SYNM: variants seen among roughly 807,000 people sequenced by gnomAD.
The protein encoded by SYNM is desmuslin.
A neutral mutation model predicts 104.0 loss-of-function variants in SYNM; 95 were observed. That is an observed-to-expected ratio of 0.91 (90% confidence interval 0.77 to 1.08). SYNM has a LOEUF of 1.08. Among genes scored for constraint, SYNM ranks in the 50% least tolerant of loss-of-function variants. The probability of loss-of-function intolerance (pLI) is 0.00; values close to 1 mark genes in which losing one functional copy is unlikely to be tolerated. For missense variants in SYNM, 2,150 were observed against 2,052.2 expected, an observed-to-expected ratio of 1.05 and a Z score of -0.92; for synonymous variants, 918 against 869.0, an observed-to-expected ratio of 1.06 and a Z score of -0.99.
In SYNM at chr15:99,130,295, T is replaced by A. The variant is rs2067487846; in HGVS notation, c.1935T>A (p.Ser645Arg). The A allele has an allele frequency of 1.9e-6, 3 of 1,613,832 alleles. No homozygotes were observed. Among genetic ancestry groups the A allele is most frequent in the Non-Finnish European group, 2.5e-6 (3 of 1,179,880 alleles). ...CCGTAGCAGAAAACATCGTTACCAG[T>A]ATCCTGAAGCAGTTCACTCAGTCTC... ...TETVAENIVT[S>R]ILKQFTQSPE... Residue 645 changes from serine to arginine, a missense_variant, in exon 4 of 4, where the codon AGT (serine) becomes AGA (arginine). Ser to Arg is a moderately radical substitution (Grantham distance 110). Transcript: ENST00000336292.
At position 99,130,557 on chromosome 15, in the gene SYNM, G is replaced by C; in HGVS notation, c.2197G>C (p.Gly733Arg). The C allele has an allele frequency of 1.2e-6, 2 of 1,613,746 alleles. No individual in the cohort carries two copies. Among genetic ancestry groups the C allele is most frequent in the Non-Finnish European group, 1.7e-6 (2 of 1,179,786 alleles). Residue 733 changes from glycine to arginine, a missense_variant, in exon 4 of 4, where the codon GGC becomes CGC. Transcript: ENST00000336292. ...GATGATAGGAGACATCATCAACCTC[G>C]GCCTGAAAGGGAGGGAGGGGAGAGC... Reference protein sequence around the residue: ...EQMIGDIINLGLKGREGRAKV... With the variant: ...EQMIGDIINLRLKGREGRAKV...
chr15:99,126,421 G>A lies in SYNM; in HGVS notation c.936-301G>A, dbSNP rs374216682. Among the ~76,000 whole-genome samples, 48 of 152,338 alleles carry A rather than the reference G, an allele frequency of 3.2e-4. 3 individuals are homozygous for A. The highest frequency in any genetic ancestry group is 1.9e-3 in the Admixed American group (29 of 15,306). On this transcript the variant is annotated intron_variant, in intron 2 of 3. Coordinates refer to ENST00000336292, the MANE Select transcript of SYNM (RefSeq NM_145728.3). Reference sequence around the variant, plus strand: ...AAAGCTTTCTAGAAGGGCTTGGCTCGCCAGTACTGCCGAAGCCCTGGCCTG... The same window carrying A: ...AAAGCTTTCTAGAAGGGCTTGGCTCACCAGTACTGCCGAAGCCCTGGCCTG...
intron 2 of SYNM, among the ~76,000 whole-genome samples, chr15:99,114,418 C>G (rs1450342195): frequency 1.3e-5 from 2 of 151,920 alleles, no homozygotes; most frequent in Admixed American, 6.5e-5. Flanking sequence ...GTGGGGGTTA[C>G]AAATCGAGAT....
At position 99,130,162 on chromosome 15, in the gene SYNM, A is replaced by G. The variant is rs2067486146; in HGVS notation, c.1802A>G (p.Lys601Arg). The G allele has an allele frequency of 6.2e-7, 1 of 1,613,786 alleles. No homozygotes were observed. Among genetic ancestry groups the G allele is most frequent in the Non-Finnish European group, 8.5e-7 (1 of 1,179,906 alleles). The change falls in exon 4 of 4, where the codon AAG (lysine) becomes AGG (arginine). Residue 601 changes from lysine (K) to arginine (R), a missense_variant. By Grantham distance (26) the Lys-to-Arg change is conservative (BLOSUM62 2). Transcript: ENST00000336292. The stretch of plus-strand genomic sequence containing the variant: ...CCGAAAGGTTTGCAGACGCCTGTGA[A>G]GGATGCTGGTGGTGGGACCGGTAGA... ...VSPKGLQTPV[K>R]DAGGGTGREA...
At chr15:99,125,872 C>T (rs898118652) in intron 2 of SYNM, among the ~76,000 whole-genome samples, 13 of 152,212 alleles carry the variant, frequency 8.5e-5, no homozygotes, top group African/African-American at 1.7e-4. Context: ...ACAGGCATCC[C>T]GGTGCTAAGC....
intron 2 of SYNM, among the ~76,000 whole-genome samples, chr15:99,126,109 GA>G (rs1427059471): frequency 6.6e-6 from 1 of 152,210 alleles, no homozygotes; most frequent in Admixed American, 6.5e-5. Context: ...AGGGGCTACT[GA>G]CGGGGGGCGC....
chr15:99,130,137 C>A lies in SYNM; in HGVS notation c.1777C>A (p.Pro593Thr). The A allele has an allele frequency of 9.9e-6, 16 of 1,613,832 alleles. No homozygotes were observed. Among genetic ancestry groups the A allele is most frequent in the Non-Finnish European group, 1.3e-5 (15 of 1,179,884 alleles). The change falls in exon 4 of 4, where the codon CCG (proline) becomes ACG (threonine). Residue 593 changes from proline to threonine, a missense_variant. Pro to Thr is a conservative substitution (Grantham distance 38). Transcript: ENST00000336292. ...VSQDRRAEVS[P>T]KGLQTPVKDA... Reference sequence around the variant, plus strand: ...CCAGGACAGAAGAGCAGAGGTGTCCCCGAAAGGTTTGCAGACGCCTGTGAA... The same window carrying A: ...CCAGGACAGAAGAGCAGAGGTGTCCACGAAAGGTTTGCAGACGCCTGTGAA...
At chr15:99,111,011 A>G (rs1396842836) in intron 1 of SYNM, among the ~76,000 whole-genome samples, 4 of 152,216 alleles carry the variant, frequency 2.6e-5, no homozygotes, top group Admixed American at 6.5e-5. Flanking sequence ...AACGTCAACT[A>G]ATTTTCCTTT....
intron 1 of SYNM, among the ~76,000 whole-genome samples, chr15:99,110,240 C>T (rs1263351948): frequency 6.6e-6 from 1 of 152,200 alleles, no homozygotes; most frequent in African/African-American, 2.4e-5. Flanking sequence ...AATCCGCAGC[C>T]ATGAAGAACT....
chr15:99,107,620 C>T (rs929115963), intron 1 of SYNM, among the ~76,000 whole-genome samples: 22 of 152,296 alleles, frequency 1.4e-4, no homozygotes, highest in East Asian at 5.8e-4. Context: ...TCTTTCTTAG[C>T]GGCAAAGCCC....
downstream of SYNM, among the ~76,000 whole-genome samples, chr15:99,138,669 C>T (rs782611142): frequency 6.6e-6 from 1 of 152,222 alleles, no homozygotes; most frequent in Non-Finnish European, 1.5e-5. Flanking sequence ...GCCCTCAACC[C>T]TTAGCTGGCT....
rs782664172 is a variant in SYNM at position 99,132,568 on chromosome 15, A to G, written c.4208A>G (p.His1403Arg). Reference protein sequence around the residue: ...MTSGVSRSFRHIRLGPTETET... With the variant: ...MTSGVSRSFRRIRLGPTETET... ...TCGGGTGTTAGCAGATCCTTTAGGCACATTCGACTAGGTCCTACAGAAACG... is the reference window on the plus strand; with the variant it reads ...TCGGGTGTTAGCAGATCCTTTAGGCGCATTCGACTAGGTCCTACAGAAACG... The change falls in exon 4 of 4, where the codon CAC becomes CGC. Residue 1403 changes from histidine to arginine, a missense_variant. His to Arg is a conservative substitution (Grantham distance 29). Transcript: ENST00000336292. 1 of 1,614,024 alleles carries G rather than the reference A, an allele frequency of 6.2e-7. No homozygotes were observed. The highest frequency in any genetic ancestry group is 1.3e-5 in the African/African-American group (1 of 75,042).
At chr15:99,141,169 G>C in the SYNM span, 5 of 151,930 alleles carry the variant, frequency 3.3e-5, no homozygotes, top group African/African-American at 1.2e-4. Flanking sequence ...AAACAATTTA[G>C]CAATATTTAG....
chr15:99,126,332 C>T (rs1313989808), intron 2 of SYNM, among the ~76,000 whole-genome samples: 1 of 152,228 alleles, frequency 6.6e-6, no homozygotes, highest in Non-Finnish European at 1.5e-5. Context: ...CTGGGGCCCT[C>T]TAGCCTGGGG....
chr15:99,113,898 T>G (rs964856648), intron 2 of SYNM, among the ~76,000 whole-genome samples, 183 bp downstream of exon 2: 2 of 152,144 alleles, frequency 1.3e-5, no homozygotes, highest in Non-Finnish European at 2.9e-5. Context: ...GAGTAGGGCT[T>G]GCTTAGGTCA....
rs375677691 is a variant in SYNM at position 99,132,234 on chromosome 15, A to T, written c.3874A>T (p.Ile1292Leu). The T allele has an allele frequency of 5.0e-6, 8 of 1,611,484 alleles. No individual in the cohort carries two copies. Among genetic ancestry groups the T allele is most frequent in the African/African-American group, 4.0e-5 (3 of 74,810 alleles). The change falls in exon 4 of 4, where the codon ATA becomes TTA. Residue 1292 changes from isoleucine to leucine, a missense_variant. Coordinates refer to ENST00000336292, the MANE Select transcript of SYNM (RefSeq NM_145728.3). Reference sequence around the variant, plus strand: ...TTCAGACAAGGTGGAGTTGGGTGTCATAGGAGATTCTGTACACATGGAAGG... The same window carrying T: ...TTCAGACAAGGTGGAGTTGGGTGTCTTAGGAGATTCTGTACACATGGAAGG... The part of the protein sequence containing the change: ...PLSDKVELGV[I>L]GDSVHMEGLP...
chr15:99,131,632 G>T lies in SYNM; in HGVS notation c.3272G>T (p.Gly1091Val). 6.2e-7 allele frequency: 1 copy of T among 1,610,834 alleles called. No individual in the cohort carries two copies. ...EVAGGASHSS[G>V]QRTPQGPVSA... ...GCTGGTGGGGCCTCTCACAGCTCGG[G>T]ACAGCGCACTCCCCAGGGCCCAGTG... is the stretch of plus-strand genomic sequence containing the variant. The change falls in exon 4 of 4, where the codon GGA becomes GTA. Residue 1091 changes from glycine (G) to valine (V), a missense_variant. Gly to Val is a moderately radical substitution (Grantham distance 109, BLOSUM62 -3). Transcript: ENST00000336292. The surrounding 1 kb of genome is among the most constrained non-coding windows in gnomAD (Gnocchi z 4.3).
chr15:99,131,305 T>C lies in SYNM; in HGVS notation c.2945T>C (p.Val982Ala). The change falls in exon 4 of 4, where the codon GTT becomes GCT. Residue 982 changes from valine to alanine, a missense_variant. Physicochemically the swap from Val to Ala is moderately conservative, Grantham distance 64 (BLOSUM62 0). Coordinates refer to ENST00000336292, the MANE Select transcript of SYNM (RefSeq NM_145728.3). The surrounding 1 kb of genome is among the most constrained non-coding windows in gnomAD (Gnocchi z 4.3). ...GAGGGGCAGGGTGGGCCGGGGAGCG[T>C]TTCCGTGGATGTCAAGAAGGTCCAG... is the stretch of plus-strand genomic sequence containing the variant. The part of the protein sequence containing the change: ...TREGQGGPGS[V>A]SVDVKKVQGA... 6.2e-7 allele frequency: 1 copy of C among 1,612,738 alleles called. No individual in the cohort carries two copies. The highest frequency in any genetic ancestry group is 8.5e-7 in the Non-Finnish European group (1 of 1,179,566).
rs563273911 is a variant in SYNM, at chr15:99,135,453, A to G, written c.*2395A>G. 6 of 152,690 alleles carry G rather than the reference A, an allele frequency of 3.9e-5. No homozygotes were observed. Among genetic ancestry groups the G allele is most frequent in the Admixed American group, 1.3e-4 (2 of 15,300 alleles). 9.5% of individuals were successfully genotyped at this position (152,690 alleles called of 1,614,324 possible). A position where few individuals can be genotyped will look rare whatever the true frequency, so the allele number is the denominator to read the frequency against. ...CTCACTGAGTGTTTTTCAGTTTCCT[A>G]CTGGTGGTTTTGATATTGTTTGTTT... On this transcript the variant is annotated 3_prime_UTR_variant, in exon 4 of 4. Coordinates refer to ENST00000336292, the MANE Select transcript of SYNM (RefSeq NM_145728.3).
Sources: gnomAD v4.1 joint callset for allele counts (sites outside exome capture counted in the v4.1 genomes callset) on GRCh38, gnomAD v4.1.1 for gene constraint, Gnocchi (gnomAD v3.1) non-coding constraint, MANE v1.5 for transcripts, NCBI Gene and HGNC (gene_info 2026-07-23, HGNC 2026-07-21) for gene names.